Variants in GPBAR1 observed in about 807,000 individuals in gnomAD.
GPBAR1 encodes G-protein coupled bile acid receptor 1.
GPBAR1 carries 13 observed loss-of-function variants against 13.0 expected under a neutral mutation model. The ratio of observed to expected loss-of-function variants is 1.00; its 90% CI spans 0.65 to 1.59. The LOEUF is 1.59. GPBAR1 is among the 40% of genes most tolerant of loss of function. The pLI is 0.00. For synonymous variants in GPBAR1, 193 were observed against 205.2 expected, an observed-to-expected ratio of 0.94 and a Z score of 0.51; for missense variants, 398 against 436.4, an observed-to-expected ratio of 0.91 and a Z score of 0.78.
Position 218,263,748 on chromosome 2 carries a change from C to T in GPBAR1, c.*31C>T. On this transcript the variant is annotated 3_prime_UTR_variant, in exon 2 of 2. Transcript: ENST00000519574. This position sits in a 1 kb window ranked among gnomAD's most constrained non-coding sequence, Gnocchi z 4.2. Reference sequence around the variant, plus strand: ...GGGCCTCTGCTGACTCCTACCAGAGCATCCGTCCAGCTCAGCCATCCAGCC... The same window carrying T: ...GGGCCTCTGCTGACTCCTACCAGAGTATCCGTCCAGCTCAGCCATCCAGCC... The T allele has an allele frequency of 6.2e-7, 1 of 1,612,598 alleles. No homozygotes were observed. The highest frequency in any genetic ancestry group is 1.3e-5 in the African/African-American group (1 of 75,044).
At position 218,263,644 on chromosome 2, in the gene GPBAR1, C is replaced by T; in HGVS notation, c.920C>T (p.Ser307Phe). The T allele has an allele frequency of 6.2e-7, 1 of 1,612,882 alleles. No homozygotes were observed. The highest frequency in any genetic ancestry group is 2.2e-5 in the East Asian group (1 of 44,882). ...CTGCAGGGGCTGTGGGGAAGAGCCT[C>T]CCGGGACAGTCCCGGCCCCAGCATT... ...RCLQGLWGRA[S>F]RDSPGPSIAY... is the part of the protein sequence containing the mutation. The change falls in exon 2 of 2, where the codon TCC becomes TTC. Residue 307 changes from serine to phenylalanine, a missense_variant. Coordinates refer to ENST00000519574, the MANE Select transcript of GPBAR1 (RefSeq NM_170699.3). The surrounding 1 kb of genome is among the most constrained non-coding windows in gnomAD (Gnocchi z 4.2).
chr2:218,260,379 G>C (rs577820953), upstream of GPBAR1, among the ~76,000 whole-genome samples: 1 of 152,174 alleles, frequency 6.6e-6, no homozygotes, highest in Non-Finnish European at 1.5e-5. Context: ...CCCATCAAGG[G>C]CCATGCACTG....
chr2:218,261,693 G>A (rs1406545983), intron 1 of GPBAR1, among the ~76,000 whole-genome samples: 3 of 152,084 alleles, frequency 2.0e-5, no homozygotes, highest in Admixed American at 2.0e-4. Context: ...GCAGCCATGG[G>A]GCCCTGATCC....
In GPBAR1 at chr2:218,262,558, G is replaced by C. The variant is rs796393307; in HGVS notation, c.-45-122G>C. On this transcript the variant is annotated intron_variant, in intron 1 of 1. Coordinates refer to ENST00000519574, the MANE Select transcript of GPBAR1 (RefSeq NM_170699.3). This position sits in a 1 kb window ranked among gnomAD's most constrained non-coding sequence, Gnocchi z 5.1. ...AATTGGCAATTAATTGAAAAATTCT[G>C]TGTATCAGCGAACATGATACAGCCC... 1.6e-5 allele frequency: 10 copies of C among 624,184 alleles called. No homozygotes were observed. The South Asian group carries it at 2.3e-4, about 14-fold the overall frequency. 38.7% of individuals were successfully genotyped at this position (624,184 alleles called of 1,614,324 possible). A position where few individuals can be genotyped will look rare whatever the true frequency, so the allele number is the denominator to read the frequency against.
rs772368080 is a variant in GPBAR1 at position 218,263,524 on chromosome 2, C to CT, written c.800_801insT (p.Leu268ProfsTer100). 6.2e-7 allele frequency: 1 copy of CT among 1,611,966 alleles called. No homozygotes were observed. Among genetic ancestry groups the CT allele is most frequent in the East Asian group, 2.2e-5 (1 of 44,830 alleles). On this transcript the variant is annotated frameshift_variant, in exon 2 of 2. Transcript: ENST00000519574. LOFTEE classifies it high-confidence loss of function. The surrounding 1 kb of genome is among the most constrained non-coding windows in gnomAD (Gnocchi z 4.2). ...CCTGGGACACTGTTGTCCCTCCTCT[C>CT]CCTAGGAAGTGCCAGTGCAGCGGCA...
Position 218,262,512 on chromosome 2 carries a change from T to C in GPBAR1, c.-45-168T>C, listed in dbSNP as rs1464296290. The C allele has an allele frequency of 5.2e-6, 3 of 580,374 alleles. No homozygotes were observed. The highest frequency in any genetic ancestry group is 3.7e-5 in the African/African-American group (2 of 53,656). 36.0% of individuals were successfully genotyped at this position (580,374 alleles called of 1,614,324 possible). ...CTGAATTTTCAATAGAAACCAAAGA[T>C]AGTTTTTTATATAAATGTTTAATTG... On this transcript the variant is annotated intron_variant, in intron 1 of 1. Coordinates refer to ENST00000519574, the MANE Select transcript of GPBAR1 (RefSeq NM_170699.3). The surrounding 1 kb of genome is among the most constrained non-coding windows in gnomAD (Gnocchi z 5.1).
rs201796154 is a variant in GPBAR1, at chr2:218,263,407, G to A, written c.683G>A (p.Gly228Glu). 23 of 1,601,378 alleles carry A rather than the reference G, an allele frequency of 1.4e-5. No individual in the cohort carries two copies. Among genetic ancestry groups the A allele is most frequent in the Non-Finnish European group, 2.0e-5 (23 of 1,175,186 alleles). ...LTWRQARAQA[G>E]AMLLFGLCWG... ...TGGAGGCAGGCAAGGGCACAGGCTG[G>A]AGCCATGCTGCTCTTCGGGCTGTGC... Residue 228 changes from glycine to glutamate, a missense_variant, in exon 2 of 2, where the codon GGA becomes GAA. Gly to Glu is a moderately conservative substitution (Grantham distance 98). Transcript: ENST00000519574. This position sits in a 1 kb window ranked among gnomAD's most constrained non-coding sequence, Gnocchi z 4.2.
intron 1 of GPBAR1, among the ~76,000 whole-genome samples, chr2:218,261,667 T>C (rs1157735355): frequency 1.3e-5 from 2 of 152,134 alleles, no homozygotes; most frequent in African/African-American, 4.8e-5. Flanking sequence ...AGCATCTTCC[T>C]TCCTCTCAGC....
Position 218,262,760 on chromosome 2 carries a change from C to A in GPBAR1, c.36C>A (p.Pro12=). ...ACAGCACTGGCGAGGTGCCCAGCCC[C>A]ATTCCCAAGGGGGCTTTGGGGCTCT... is the stretch of plus-strand genomic sequence containing the variant. The part of the protein sequence containing the change: ...TPNSTGEVPS[P]IPKGALGLSL... The change falls in exon 2 of 2, where the codon CCC becomes CCA. Residue 12 remains proline (P), a synonymous_variant. Coordinates refer to ENST00000519574, the MANE Select transcript of GPBAR1 (RefSeq NM_170699.3). This position sits in a 1 kb window ranked among gnomAD's most constrained non-coding sequence, Gnocchi z 5.1. 1.2e-6 allele frequency: 2 copies of A among 1,608,402 alleles called. No homozygotes were observed. Among genetic ancestry groups the A allele is most frequent in the Non-Finnish European group, 1.7e-6 (2 of 1,176,968 alleles).
In GPBAR1 at chr2:218,263,247, C is replaced by T. The variant is rs868001276; in HGVS notation, c.523C>T (p.Leu175=). The T allele has an allele frequency of 2.5e-6, 4 of 1,607,882 alleles. No homozygotes were observed. The highest frequency in any genetic ancestry group is 3.4e-6 in the Non-Finnish European group (4 of 1,179,836). ...YLYLEVYGLL[L]PAVGAAAFLS... The stretch of plus-strand genomic sequence containing the variant: ...GTACCTCGAAGTCTATGGGCTCCTG[C>T]TGCCCGCCGTGGGTGCTGCTGCCTT... The change falls in exon 2 of 2, where the codon CTG becomes TTG. Residue 175 remains leucine, a synonymous_variant. Coordinates refer to ENST00000519574, the MANE Select transcript of GPBAR1 (RefSeq NM_170699.3). The surrounding 1 kb of genome is among the most constrained non-coding windows in gnomAD (Gnocchi z 4.2).
chr2:218,262,701 G>T lies in GPBAR1; in HGVS notation c.-24G>T, dbSNP rs766683052. 1.3e-6 allele frequency: 2 copies of T among 1,539,362 alleles called. No individual in the cohort carries two copies. The highest frequency in any genetic ancestry group is 2.5e-5 in the South Asian group (2 of 81,238). ...GCAGGCATGCCGGCTGCCGCTCCAG[G>T]ACTCCCCTGTCCCCAGGACCAAGAT... On this transcript the variant is annotated 5_prime_UTR_variant, in exon 2 of 2. Coordinates refer to ENST00000519574, the MANE Select transcript of GPBAR1 (RefSeq NM_170699.3). This position sits in a 1 kb window ranked among gnomAD's most constrained non-coding sequence, Gnocchi z 5.1.
chr2:218,263,443 A>G lies in GPBAR1; in HGVS notation c.719A>G (p.Tyr240Cys). The G allele has an allele frequency of 5.6e-6, 9 of 1,602,742 alleles. No individual in the cohort carries two copies. In the South Asian group the frequency reaches 7.8e-5, roughly 14 times the overall value. The change falls in exon 2 of 2, where the codon TAC becomes TGC. Residue 240 changes from tyrosine (Y) to cysteine (C), a missense_variant. Transcript: ENST00000519574. The surrounding 1 kb of genome is among the most constrained non-coding windows in gnomAD (Gnocchi z 4.2). ...CTCTTCGGGCTGTGCTGGGGGCCCT[A>G]CGTGGCCACACTGCTCCTCTCAGTC... ...MLLFGLCWGPYVATLLLSVLA... is the reference protein window; with the variant it reads ...MLLFGLCWGPCVATLLLSVLA...
In GPBAR1 at chr2:218,263,172, A is replaced by T. The variant is rs2106168453; in HGVS notation, c.448A>T (p.Thr150Ser). ...SLPALGWNHW[T>S]PGANCSSQAI... is the part of the protein sequence containing the mutation. Reference sequence around the variant, plus strand: ...GCCCGCTCTGGGGTGGAACCACTGGACCCCTGGTGCCAACTGCAGCTCCCA... The same window carrying T: ...GCCCGCTCTGGGGTGGAACCACTGGTCCCCTGGTGCCAACTGCAGCTCCCA... Residue 150 changes from threonine to serine, a missense_variant, in exon 2 of 2, where the codon ACC becomes TCC. By Grantham distance (58) the Thr-to-Ser change is moderately conservative (BLOSUM62 1). Coordinates refer to ENST00000519574, the MANE Select transcript of GPBAR1 (RefSeq NM_170699.3). This position sits in a 1 kb window ranked among gnomAD's most constrained non-coding sequence, Gnocchi z 4.2. 6.2e-7 allele frequency: 1 copy of T among 1,610,446 alleles called. No individual in the cohort carries two copies. The highest frequency in any genetic ancestry group is 8.5e-7 in the Non-Finnish European group (1 of 1,179,768).
In GPBAR1 at chr2:218,263,120, G is replaced by A. The variant is rs554480858; in HGVS notation, c.396G>A (p.Trp132Ter). The A allele has an allele frequency of 7.9e-5, 128 of 1,612,620 alleles. No homozygotes were observed. In the East Asian group the frequency reaches 2.8e-3, roughly 35 times the overall value. ...TTCGGCTGGCCCTGCTCCTCACCTG[G>A]GCTGGTCCCCTGCTCTTTGCCAGTC... ...GSIRLALLLT[W>*]AGPLLFASLP... Residue 132 changes from tryptophan (W) to a stop codon, truncating the protein, a stop_gained, in exon 2 of 2, where the codon TGG becomes TGA. Coordinates refer to ENST00000519574, the MANE Select transcript of GPBAR1 (RefSeq NM_170699.3). LOFTEE classifies it high-confidence loss of function. This position sits in a 1 kb window ranked among gnomAD's most constrained non-coding sequence, Gnocchi z 4.2.
At position 218,263,787 on chromosome 2, in the gene GPBAR1, C is replaced by A. The variant is rs1348792119; in HGVS notation, c.*70C>A. On this transcript the variant is annotated 3_prime_UTR_variant, in exon 2 of 2. Transcript: ENST00000519574. The surrounding 1 kb of genome is among the most constrained non-coding windows in gnomAD (Gnocchi z 4.2). ...AGCCATCCAGCCTGTCTCTACCGGGCCCCACTTCTCTGGATCAGAGACCCT... is the reference window on the plus strand; with the variant it reads ...AGCCATCCAGCCTGTCTCTACCGGGACCCACTTCTCTGGATCAGAGACCCT... 22 of 1,565,534 alleles carry A rather than the reference C, an allele frequency of 1.4e-5. No homozygotes were observed. In the East Asian group the frequency reaches 4.0e-4, roughly 29 times the overall value.
At position 218,263,236 on chromosome 2, in the gene GPBAR1, A is replaced by G. The variant is rs1448077923; in HGVS notation, c.512A>G (p.Tyr171Cys). The G allele has an allele frequency of 6.2e-6, 10 of 1,607,910 alleles. No individual in the cohort carries two copies. Among genetic ancestry groups the G allele is most frequent in the African/African-American group, 5.3e-5 (4 of 74,874 alleles). Reference sequence around the variant, plus strand: ...GCCCCCTACCTGTACCTCGAAGTCTATGGGCTCCTGCTGCCCGCCGTGGGT... The same window carrying G: ...GCCCCCTACCTGTACCTCGAAGTCTGTGGGCTCCTGCTGCCCGCCGTGGGT... Reference protein sequence around the residue: ...FPAPYLYLEVYGLLLPAVGAA... With the variant: ...FPAPYLYLEVCGLLLPAVGAA... Residue 171 changes from tyrosine to cysteine, a missense_variant, in exon 2 of 2, where the codon TAT becomes TGT. Transcript: ENST00000519574. This position sits in a 1 kb window ranked among gnomAD's most constrained non-coding sequence, Gnocchi z 4.2.
In GPBAR1 at chr2:218,262,766, C is replaced by G; in HGVS notation, c.42C>G (p.Pro14=). ...CTGGCGAGGTGCCCAGCCCCATTCCCAAGGGGGCTTTGGGGCTCTCCCTGG... is the reference window on the plus strand; with the variant it reads ...CTGGCGAGGTGCCCAGCCCCATTCCGAAGGGGGCTTTGGGGCTCTCCCTGG... ...NSTGEVPSPI[P]KGALGLSLAL... The change falls in exon 2 of 2, where the codon CCC becomes CCG. Residue 14 remains proline (P), a synonymous_variant. Coordinates refer to ENST00000519574, the MANE Select transcript of GPBAR1 (RefSeq NM_170699.3). The surrounding 1 kb of genome is among the most constrained non-coding windows in gnomAD (Gnocchi z 5.1). The G allele has an allele frequency of 6.2e-7, 1 of 1,609,520 alleles. No homozygotes were observed. Among genetic ancestry groups the G allele is most frequent in the Non-Finnish European group, 8.5e-7 (1 of 1,177,640 alleles).
chr2:218,260,180 G>A (rs780723740), upstream of GPBAR1: 1 of 152,234 alleles, frequency 6.6e-6, no homozygotes, highest in African/African-American at 2.4e-5. Context: ...TTAGTCTCAC[G>A]ATAGGTGAGT....
chr2:218,260,379 G>A (rs577820953), upstream of GPBAR1, among the ~76,000 whole-genome samples: 12 of 152,292 alleles, frequency 7.9e-5, no homozygotes, highest in Admixed American at 7.2e-4. Flanking sequence ...CCCATCAAGG[G>A]CCATGCACTG....
Sources: gnomAD v4.1 joint callset for allele counts (sites outside exome capture counted in the v4.1 genomes callset) on GRCh38, gnomAD v4.1.1 for gene constraint, Gnocchi (gnomAD v3.1) non-coding constraint, MANE v1.5 for transcripts, NCBI Gene and HGNC (gene_info 2026-07-23, HGNC 2026-07-21) for gene names.